TEAD1: variants seen among roughly 807,000 people sequenced by gnomAD.
The protein encoded by TEAD1 is TEA domain transcription factor 1, also known as transcriptional enhancer factor TEF-1.
Under a neutral mutation model 54.9 loss-of-function variants are expected in TEAD1, and 9 were observed. That is an observed-to-expected ratio of 0.16 (90% confidence interval 0.10 to 0.29). TEAD1 has a LOEUF of 0.29. Among genes scored for constraint, TEAD1 ranks in the 10% least tolerant of loss-of-function variants. The probability of loss-of-function intolerance (pLI) is 1.00; values close to 1 mark genes in which losing one functional copy is unlikely to be tolerated. For missense variants in TEAD1, 387 were observed against 535.9 expected (o/e 0.72, Z 2.74); for synonymous variants, 200 against 187.8 (o/e 1.07, Z -0.53).
At chr11:12,869,264 A>G (rs1036502121) in intron 5 of TEAD1, among the ~76,000 whole-genome samples, 3 of 152,118 alleles carry the variant, frequency 2.0e-5, no homozygotes, top group Non-Finnish European at 4.4e-5. Context: ...CAGGGAGGCT[A>G]ATTCCTGGGC....
intron 3 of TEAD1, among the ~76,000 whole-genome samples, chr11:12,789,615 C>G (rs527334115): frequency 6.6e-6 from 1 of 152,306 alleles, no homozygotes; most frequent in East Asian, 1.9e-4. Flanking sequence ...TGCCTTTACA[C>G]CCGACATCTC....
chr11:12,910,907 C>T (rs973269939), intron 10 of TEAD1, among the ~76,000 whole-genome samples: 2 of 152,048 alleles, frequency 1.3e-5, no homozygotes, highest in Non-Finnish European at 1.5e-5. Context: ...CCACTGTGCC[C>T]AGCTAATTTT....
intron 5 of TEAD1, among the ~76,000 whole-genome samples, chr11:12,875,937 T>C (rs1293177790): frequency 6.6e-6 from 1 of 152,238 alleles, no homozygotes; most frequent in Non-Finnish European, 1.5e-5. Flanking sequence ...CTTTTAATTT[T>C]ATAAATAAAG....
At chr11:12,833,881 C>G (rs1946830825) in intron 3 of TEAD1, among the ~76,000 whole-genome samples, 1 of 152,144 alleles carries the variant, frequency 6.6e-6, no homozygotes, top group Admixed American at 6.6e-5. Context: ...ATTAGCTGCC[C>G]CCTCCTTGTG....
At chr11:12,733,104 T>A (rs1944456658) in intron 2 of TEAD1, among the ~76,000 whole-genome samples, 1 of 152,176 alleles carries the variant, frequency 6.6e-6, no homozygotes. Flanking sequence ...ATCAGCCCTT[T>A]GGAGTCTCAG....
intron 10 of TEAD1, among the ~76,000 whole-genome samples, chr11:12,902,626 T>C (rs1186222801): frequency 6.6e-6 from 1 of 152,200 alleles, no homozygotes; most frequent in Non-Finnish European, 1.5e-5. Flanking sequence ...AATGTGTGTG[T>C]GCTAAGGGAT....
At chr11:12,912,745 T>C (rs1215424957) in intron 10 of TEAD1, among the ~76,000 whole-genome samples, 1 of 152,122 alleles carries the variant, frequency 6.6e-6, no homozygotes, top group Non-Finnish European at 1.5e-5. Flanking sequence ...CCACAGATAC[T>C]TCTCTTTTTT....
chr11:12,883,117 C>T lies in TEAD1; in HGVS notation c.691C>T (p.Pro231Ser), dbSNP rs766021095. 3.1e-6 allele frequency: 5 copies of T among 1,614,044 alleles called. No homozygotes were observed. Among genetic ancestry groups the T allele is most frequent in the Non-Finnish European group, 4.2e-6 (5 of 1,180,048 alleles). ...AGCTTTTCTCGAGCAGCAGCGAGAC[C>T]CAGACTCGGTGAGTGTGCCCAGAGA... The change falls in exon 9 of 13, where the codon CCA (proline) becomes TCA (serine). Residue 231 changes from proline to serine, a missense_variant. Physicochemically the swap from Pro to Ser is moderately conservative, Grantham distance 74. Around this residue, in one of 5 missense-constraint regions of TEAD1, gnomAD observed 180 missense variants for 180.6 expected, o/e 1.00. Transcript: ENST00000527636.
At chr11:12,794,804 G>A (rs1945879984) in intron 3 of TEAD1, among the ~76,000 whole-genome samples, 1 of 152,228 alleles carries the variant, frequency 6.6e-6, no homozygotes, top group African/African-American at 2.4e-5. Flanking sequence ...CTTCCAAGAG[G>A]CCAGATGCCT....
At chr11:12,854,758 ATTTTTTT>A (rs11364747) in intron 3 of TEAD1, among the ~76,000 whole-genome samples, 2 of 124,096 alleles carry the variant, frequency 1.6e-5, no homozygotes, top group African/African-American at 5.9e-5. Context: ...AGCCTGGCTG[ATTTTTTT>A]TTTTTTTTTT....
intron 3 of TEAD1, among the ~76,000 whole-genome samples, chr11:12,768,812 G>A (rs940338026): frequency 2.6e-5 from 4 of 152,178 alleles, no homozygotes; most frequent in Non-Finnish European, 5.9e-5. Flanking sequence ...ACTGACCTGA[G>A]GTCAGGACTG....
chr11:12,845,793 T>C (rs1049070447), intron 3 of TEAD1, among the ~76,000 whole-genome samples: 12 of 152,254 alleles, frequency 7.9e-5, no homozygotes, highest in Admixed American at 7.2e-4. Context: ...GGTGTTTGAA[T>C]CTTTCCCAGT....
chr11:12,746,776 G>C (rs1404307071), intron 2 of TEAD1, among the ~76,000 whole-genome samples: 1 of 152,178 alleles, frequency 6.6e-6, no homozygotes, highest in African/African-American at 2.4e-5. Flanking sequence ...CAGCCCCCTG[G>C]CTCTTGTGGG....
intron 10 of TEAD1, among the ~76,000 whole-genome samples, chr11:12,906,248 A>T (rs745804151): frequency 1.3e-5 from 2 of 152,158 alleles, no homozygotes; most frequent in Non-Finnish European, 2.9e-5. Flanking sequence ...CTCATGTTAA[A>T]TGTACAATTT....
At chr11:12,762,214 T>C (rs931318175) in intron 2 of TEAD1, among the ~76,000 whole-genome samples, 1 of 152,164 alleles carries the variant, frequency 6.6e-6, no homozygotes, top group Non-Finnish European at 1.5e-5. Flanking sequence ...GGTTTGTTTT[T>C]GTCTTTTTTT....
chr11:12,709,043 C>A (rs574036736), intron 2 of TEAD1, among the ~76,000 whole-genome samples: 43 of 152,178 alleles, frequency 2.8e-4, no homozygotes, highest in Non-Finnish European at 4.3e-4. Flanking sequence ...AAAGGTAAAA[C>A]CATAGTAATT....
At position 12,930,283 on chromosome 11, in the gene TEAD1, A is replaced by G. The variant is rs145107606; in HGVS notation, c.1124A>G (p.Lys375Arg). 78 of 1,614,118 alleles carry G rather than the reference A, an allele frequency of 4.8e-5. No individual in the cohort carries two copies. The highest frequency in any genetic ancestry group is 6.4e-5 in the Non-Finnish European group (75 of 1,180,058). Residue 375 changes from lysine (K) to arginine (R), a missense_variant, in exon 12 of 13, where the codon AAA becomes AGA. By Grantham distance (26) the Lys-to-Arg change is conservative (BLOSUM62 2). Around this residue, in one of 5 missense-constraint regions of TEAD1, gnomAD observed 123 missense variants for 199.0 expected, o/e 0.62. Transcript: ENST00000527636. ...CACAAGCTCAAACACTTACCAGAGA[A>G]ATATATGATGAACAGTGTTTTGGAA...
intron 5 of TEAD1, among the ~76,000 whole-genome samples, chr11:12,867,164 T>G (rs80122526): frequency 0.025 from 3,752 of 152,220 alleles, 144 homozygotes; most frequent in African/African-American, 0.083. Context: ...GGATTTGAAC[T>G]CAGATCTTTT....
At chr11:12,775,798 A>G (rs560258717) in intron 3 of TEAD1, among the ~76,000 whole-genome samples, 9 of 152,354 alleles carry the variant, frequency 5.9e-5, no homozygotes, top group African/African-American at 2.2e-4. Context: ...GATTTTTTCA[A>G]TCGCAAACAT....
Sources: gnomAD v4.1 joint callset for allele counts (sites outside exome capture counted in the v4.1 genomes callset) on GRCh38, gnomAD v4.1.1 for gene constraint, gnomAD v4.1.1 regional missense constraint, MANE v1.5 for transcripts, NCBI Gene and HGNC (gene_info 2026-07-23, HGNC 2026-07-21) for gene names.